The following PCSK9 variants were observed in gnomAD, a reference collection of about 807,000 sequenced individuals.
PCSK9 encodes proprotein convertase subtilisin/kexin type 9, also known as convertase subtilisin/kexin type 9 preproprotein.
PCSK9 carries 57 observed loss-of-function variants against 62.1 expected under a neutral mutation model. That is an observed-to-expected ratio of 0.92 (90% CI 0.74 to 1.14). The LOEUF is 1.14. Ranked by LOEUF, PCSK9 falls within the 50% of genes most tolerant of loss-of-function variation. The pLI is 0.00. For missense variants in PCSK9, 870 were observed against 959.8 expected (o/e 0.91, Z 1.24); for synonymous variants, 387 against 409.4 (o/e 0.95, Z 0.66).
chr1:55,051,015 C>A, intron 3 of PCSK9: 1 of 390,212 alleles, frequency 2.6e-6, no homozygotes, highest in Non-Finnish European at 5.1e-6. Flanking sequence ...AGAAATGTGG[C>A]CACAAGCCAG....
intron 11 of PCSK9, among the ~76,000 whole-genome samples, chr1:55,062,582 G>A (rs923857336): frequency 1.2e-4 from 19 of 152,058 alleles, no homozygotes; most frequent in African/African-American, 4.3e-4. Context: ...GAGAGGTCAG[G>A]AGAGGTCTCG....
At chr1:55,045,798 C>T (rs7530425) in intron 2 of PCSK9, among the ~76,000 whole-genome samples, 80,123 of 151,316 alleles carry the variant, frequency 0.53, 23,540 homozygotes, top group East Asian at 0.82. Context: ...CAACCTCTGC[C>T]TCCCGGGTTC....
chr1:55,058,187 GC>G lies in PCSK9; in HGVS notation c.1338del (p.Ser447AlafsTer38), dbSNP rs1644730691. 6.2e-7 allele frequency: 1 copy of G among 1,613,194 alleles called. No individual in the cohort carries two copies. ...TGACCCCCAACCTGGTGGCCGCCCT[GC>G]CCCCCAGCACCCATGGGGCAGGTAA... Reference protein sequence around the residue: ...VLTPNLVAALPPSTHGAGWQL... With the variant: ...VLTPNLVAALXPSTHGAGWQL... On this transcript the variant is annotated frameshift_variant, in exon 8 of 12. Transcript: ENST00000302118. LOFTEE classifies it high-confidence loss of function.
intron 7 of PCSK9, among the ~76,000 whole-genome samples, 188 bp downstream of exon 7, chr1:55,057,702 G>A (rs1644725905): frequency 1.3e-5 from 2 of 152,166 alleles, no homozygotes; most frequent in African/African-American, 4.8e-5. Context: ...ACGAGGTCAG[G>A]GCTGTATTAG....
In PCSK9 at chr1:55,052,702, G is replaced by A. The variant is rs758109994; in HGVS notation, c.710G>A (p.Arg237Gln). 7 of 1,613,034 alleles carry A rather than the reference G, an allele frequency of 4.3e-6. No individual in the cohort carries two copies. The highest frequency in any genetic ancestry group is 2.5e-6 in the Non-Finnish European group (3 of 1,179,956). Residue 237 changes from arginine to glutamine, a missense_variant, in exon 5 of 12, where the codon CGG (arginine) becomes CAG (glutamine). By Grantham distance (43) the Arg-to-Gln change is conservative. Coordinates refer to ENST00000302118, the MANE Select transcript of PCSK9 (RefSeq NM_174936.4). ...GTHLAGVVSGRDAGVAKGASM... is the reference protein window; with the variant it reads ...GTHLAGVVSGQDAGVAKGASM... ...CACCTGGCAGGGGTGGTCAGCGGCC[G>A]GGATGCCGGCGTGGCCAAGGGTGCC...
intron 1 of PCSK9, among the ~76,000 whole-genome samples, chr1:55,043,608 C>A (rs774243161): frequency 3.9e-5 from 6 of 152,194 alleles, no homozygotes; most frequent in African/African-American, 7.2e-5. Flanking sequence ...CCCGTAGTTC[C>A]CATTTTTGCC....
chr1:55,059,491 A>AG lies in PCSK9; in HGVS notation c.1514dup (p.Lys506GlnfsTer13), dbSNP rs1644742420. ...TTTCCGTCTTTGACTCTAAGGCCCA[A>AG]GGGGGCAAGCTGGTCTGCCGGGCCC... On this transcript the variant is annotated frameshift_variant, in exon 10 of 12. Coordinates refer to ENST00000302118, the MANE Select transcript of PCSK9 (RefSeq NM_174936.4). LOFTEE classifies it high-confidence loss of function. 1.3e-6 allele frequency: 2 copies of AG among 1,563,702 alleles called. No homozygotes were observed. The highest frequency in any genetic ancestry group is 1.7e-6 in the Non-Finnish European group (2 of 1,153,026).
In PCSK9 at chr1:55,040,157, C is replaced by T. The variant is rs917314508; in HGVS notation, c.207+113C>T. 5.2e-5 allele frequency: 71 copies of T among 1,359,630 alleles called. 1 individual carries two copies. The Admixed American group carries it at 1.4e-3, about 26-fold the overall frequency. 84.2% of individuals were successfully genotyped at this position (1,359,630 alleles called of 1,614,324 possible). On this transcript the variant is annotated intron_variant, in intron 1 of 11. Coordinates refer to ENST00000302118, the MANE Select transcript of PCSK9 (RefSeq NM_174936.4). This position sits in a 1 kb window ranked among gnomAD's most constrained non-coding sequence, Gnocchi z 4.1. ...GTAAGAGAGGAAGTGGAGTGCAGGTCGCCGAGGGCTCTTCGCTTGGCACGA... is the reference window on the plus strand; with the variant it reads ...GTAAGAGAGGAAGTGGAGTGCAGGTTGCCGAGGGCTCTTCGCTTGGCACGA...
intron 5 of PCSK9, among the ~76,000 whole-genome samples, chr1:55,055,383 CCTCT>C (rs566604075): frequency 4.9e-4 from 75 of 152,072 alleles, no homozygotes; most frequent in African/African-American, 1.8e-3. Flanking sequence ...CCTCTTGGTG[CCTCT>C]CTTTCATGGA....
At chr1:55,056,436 A>G (rs894894867) in intron 6 of PCSK9, among the ~76,000 whole-genome samples, 3 of 152,010 alleles carry the variant, frequency 2.0e-5, no homozygotes, top group Non-Finnish European at 2.9e-5. Context: ...CCATGCGCCC[A>G]CGTAGCGGCG....
chr1:55,048,273 A>G (rs1644648412), intron 3 of PCSK9, among the ~76,000 whole-genome samples: 1 of 152,112 alleles, frequency 6.6e-6, no homozygotes, highest in South Asian at 2.1e-4. Flanking sequence ...GACACTTGTC[A>G]TTGGATTTAG....
chr1:55,061,694 C>T (rs997363788), intron 11 of PCSK9, 138 bp downstream of exon 11: 34 of 1,159,500 alleles, frequency 2.9e-5, no homozygotes, highest in East Asian at 1.0e-4. Flanking sequence ...GGGCAGCTTC[C>T]GCCATTGTGT....
intron 2 of PCSK9, among the ~76,000 whole-genome samples, chr1:55,045,518 G>A (rs570936732): frequency 3.2e-4 from 48 of 152,320 alleles, no homozygotes; most frequent in African/African-American, 1.1e-3. Context: ...CCAGGGACTA[G>A]TTGTGGCAGG....
In PCSK9 at chr1:55,042,076, A is replaced by T. The variant is rs28362211; in HGVS notation, c.208-1767A>T. Among the ~76,000 whole-genome samples, 387 of 152,030 alleles carry T rather than the reference A, an allele frequency of 2.5e-3. 3 individuals carry two copies. Among genetic ancestry groups the T allele is most frequent in the African/African-American group, 8.9e-3 (370 of 41,448 alleles). On this transcript the variant is annotated intron_variant, in intron 1 of 11. Transcript: ENST00000302118. ...GTTCTCCTGCCTCAGCCTCCCAAGAAGCTGGGATTACAGGTACCTGCCACC... is the reference window on the plus strand; with the variant it reads ...GTTCTCCTGCCTCAGCCTCCCAAGATGCTGGGATTACAGGTACCTGCCACC...
At chr1:55,042,184 AGTGGATCC>A (rs1447791495) in intron 1 of PCSK9, among the ~76,000 whole-genome samples, 3 of 151,768 alleles carry the variant, frequency 2.0e-5, no homozygotes, top group Non-Finnish European at 4.4e-5. Context: ...TGACCTCCTC[AGTGGATCC>A]GAGGAGGTGA....
intron 8 of PCSK9, 128 bp downstream of exon 8, chr1:55,058,337 A>C (rs1437635386): frequency 6.7e-6 from 10 of 1,489,474 alleles, no homozygotes; most frequent in Non-Finnish European, 9.2e-6. Flanking sequence ...ATTAAATGAG[A>C]ATGGGGCTCT....
chr1:55,056,938 C>G (rs981446471), intron 6 of PCSK9, among the ~76,000 whole-genome samples: 1 of 43,222 alleles, frequency 2.3e-5, no homozygotes, highest in Admixed American at 2.9e-4. Flanking sequence ...CTAGGTCCCC[C>G]CTGGCCTATC....
chr1:55,041,416 A>C (rs929862921), intron 1 of PCSK9, among the ~76,000 whole-genome samples: 9 of 152,140 alleles, frequency 5.9e-5, no homozygotes, highest in Non-Finnish European at 2.9e-5. Flanking sequence ...AAGAAAGGGC[A>C]TTTCAAGTTA....
In PCSK9 at chr1:55,039,597, A is replaced by T; in HGVS notation, c.-241A>T. The stretch of plus-strand genomic sequence containing the variant: ...GCAGGCGGGCGCCGCCGTTCAGTTC[A>T]GGGTCTGAGCCTGGAGGAGTGAGCC... On this transcript the variant is annotated 5_prime_UTR_variant, in exon 1 of 12. Coordinates refer to ENST00000302118, the MANE Select transcript of PCSK9 (RefSeq NM_174936.4). The T allele has an allele frequency of 1.7e-6, 1 of 598,290 alleles. No homozygotes were observed. Among genetic ancestry groups the T allele is most frequent in the Non-Finnish European group, 3.0e-6 (1 of 338,594 alleles). The allele number at this position is 598,290 out of a possible 1,614,324, so 37.1% of individuals were successfully genotyped here.
Sources: allele counts gnomAD v4.1 joint callset (sites outside exome capture counted in the v4.1 genomes callset), GRCh38; gene constraint gnomAD v4.1.1; non-coding constraint Gnocchi (gnomAD v3.1); transcripts MANE v1.5; gene names NCBI Gene and HGNC (gene_info 2026-07-23, HGNC 2026-07-21).